SHISA6: variants seen among roughly 807,000 people sequenced by gnomAD.
SHISA6 encodes protein shisa-6.
SHISA6 carries 22 observed loss-of-function variants against 47.9 expected under a neutral mutation model. That is an observed-to-expected ratio of 0.46 (90% CI 0.33 to 0.66). The LOEUF (loss-of-function observed/expected upper bound fraction) is 0.66. Ranked by LOEUF, SHISA6 falls within the 30% of genes least tolerant of loss-of-function variation. SHISA6 has a pLI of 0.02. For synonymous variants in SHISA6, 388 were observed against 337.8 expected, an observed-to-expected ratio of 1.15 and a Z score of -1.63; for missense variants, 680 against 764.6, an observed-to-expected ratio of 0.89 and a Z score of 1.30.
intron 1 of SHISA6, among the ~76,000 whole-genome samples, chr17:11,252,729 G>A (rs1252412316): frequency 2.6e-5 from 4 of 152,148 alleles, no homozygotes; most frequent in Admixed American, 1.3e-4. Flanking sequence ...GCTGTTGGAC[G>A]GCTTTGACTG....
At chr17:11,388,413 C>A (rs1325271949) in intron 3 of SHISA6, among the ~76,000 whole-genome samples, 1 of 151,976 alleles carries the variant, frequency 6.6e-6, no homozygotes, top group African/African-American at 2.4e-5. Context: ...GAGGAACTCT[C>A]GGGTTCTGGG....
At chr17:11,462,123 A>T (rs945588398) in intron 3 of SHISA6, among the ~76,000 whole-genome samples, 2 of 152,162 alleles carry the variant, frequency 1.3e-5, no homozygotes, top group Non-Finnish European at 2.9e-5. Flanking sequence ...TTAGAAAAAT[A>T]GGGCAAAGTG....
intron 2 of SHISA6, among the ~76,000 whole-genome samples, chr17:11,368,330 T>C (rs1354717632): frequency 6.6e-6 from 1 of 152,138 alleles, no homozygotes; most frequent in East Asian, 1.9e-4. Flanking sequence ...TAATCTTAAT[T>C]AGCGGGTCTG....
At chr17:11,441,246 A>G (rs1347135654) in intron 3 of SHISA6, among the ~76,000 whole-genome samples, 1 of 152,224 alleles carries the variant, frequency 6.6e-6, no homozygotes, top group African/African-American at 2.4e-5. Flanking sequence ...CAAAATCAGG[A>G]GAGCAAACAG....
chr17:11,515,026 C>G (rs1316292440), intron 3 of SHISA6, among the ~76,000 whole-genome samples: 1 of 152,060 alleles, frequency 6.6e-6, no homozygotes, highest in Non-Finnish European at 1.5e-5. Flanking sequence ...GCTCATGAAG[C>G]CCTGTGGACT....
At chr17:11,397,221 A>G (rs1268328812) in intron 3 of SHISA6, among the ~76,000 whole-genome samples, 1 of 152,152 alleles carries the variant, frequency 6.6e-6, no homozygotes, top group Non-Finnish European at 1.5e-5. Flanking sequence ...TTGTAAAACT[A>G]GTTTATCAAT....
At chr17:11,383,999 C>T (rs1913115719) in intron 3 of SHISA6, among the ~76,000 whole-genome samples, 1 of 150,938 alleles carries the variant, frequency 6.6e-6, no homozygotes, top group Non-Finnish European at 1.5e-5. Context: ...TACTATGTAC[C>T]AGGTCTTTAC....
At chr17:11,279,397 GT>G (rs1181387109) in intron 2 of SHISA6, among the ~76,000 whole-genome samples, 3 of 152,132 alleles carry the variant, frequency 2.0e-5, no homozygotes, top group Non-Finnish European at 2.9e-5. Flanking sequence ...CATGTTTGAT[GT>G]GCACAAAATG....
At chr17:11,481,545 TGCA>T (rs1419002913) in intron 3 of SHISA6, among the ~76,000 whole-genome samples, 2 of 149,782 alleles carry the variant, frequency 1.3e-5, no homozygotes, top group South Asian at 2.1e-4. Context: ...CAGGCTGGAG[TGCA>T]GTGGCGCGAT....
At chr17:11,436,771 C>T (rs529716497) in intron 3 of SHISA6, among the ~76,000 whole-genome samples, 16 of 152,262 alleles carry the variant, frequency 1.1e-4, no homozygotes, top group Middle Eastern at 6.8e-3. Flanking sequence ...TACTTTACTT[C>T]GTTGTTTTAG....
chr17:11,354,206 G>C (rs1052187827), intron 2 of SHISA6, among the ~76,000 whole-genome samples: 1 of 152,172 alleles, frequency 6.6e-6, no homozygotes, highest in Non-Finnish European at 1.5e-5. Context: ...CTCAAATGTT[G>C]ATGTGCACAG....
At chr17:11,453,002 C>G (rs560808512) in intron 3 of SHISA6, among the ~76,000 whole-genome samples, 2 of 151,514 alleles carry the variant, frequency 1.3e-5, no homozygotes, top group South Asian at 4.2e-4. Flanking sequence ...CCCTTTTCCC[C>G]ACCCTCAATC....
At chr17:11,477,786 A>G (rs1250221899) in intron 3 of SHISA6, among the ~76,000 whole-genome samples, 1 of 150,922 alleles carries the variant, frequency 6.6e-6, no homozygotes, top group Non-Finnish European at 1.5e-5. Context: ...TCCATGGTGT[A>G]TATGTGCCAC....
At chr17:11,371,184 A>G (rs1236998009) in intron 2 of SHISA6, among the ~76,000 whole-genome samples, 1 of 152,210 alleles carries the variant, frequency 6.6e-6, no homozygotes, top group Admixed American at 6.5e-5. Flanking sequence ...TACCTCGGTA[A>G]GAGCAAGCTC....
At chr17:11,432,036 G>C (rs910811166) in intron 3 of SHISA6, among the ~76,000 whole-genome samples, 2 of 152,168 alleles carry the variant, frequency 1.3e-5, no homozygotes, top group Non-Finnish European at 2.9e-5. Flanking sequence ...AAATTTGCTT[G>C]TAAGAGGGAA....
chr17:11,456,683 C>T (rs1394232993), intron 3 of SHISA6, among the ~76,000 whole-genome samples: 2 of 151,980 alleles, frequency 1.3e-5, no homozygotes, highest in African/African-American at 2.4e-5. Flanking sequence ...GACCTGAGCC[C>T]TTAGCCCTCA....
Position 11,402,487 on chromosome 17 carries a change from C to T in SHISA6, c.895+22978C>T, listed in dbSNP as rs79123034. On this transcript the variant is annotated intron_variant, in intron 3 of 5. Coordinates refer to ENST00000441885, the MANE Select transcript of SHISA6 (RefSeq NM_207386.4). ...TACCTCTTTTCCACTTAATGAGAGGCATTCTCAGCCTATCAGCCTTTGTAA... is the reference window on the plus strand; with the variant it reads ...TACCTCTTTTCCACTTAATGAGAGGTATTCTCAGCCTATCAGCCTTTGTAA... Among the ~76,000 whole-genome samples the T allele has an allele frequency of 3.5e-3, 533 of 152,362 alleles. 3 individuals are homozygous for T. The highest frequency in any genetic ancestry group is 4.7e-3 in the Non-Finnish European group (318 of 68,032).
intron 1 of SHISA6, among the ~76,000 whole-genome samples, chr17:11,260,479 G>T (rs1476452841): frequency 1.3e-5 from 2 of 151,978 alleles, no homozygotes; most frequent in East Asian, 3.9e-4. Flanking sequence ...CCGTCTCTGT[G>T]TCTCTCTCCG....
chr17:11,515,313 AAAGGAAGGAAGGAAGGAAGGAAGG>A (rs200856515), intron 3 of SHISA6, among the ~76,000 whole-genome samples: 29 of 130,888 alleles, frequency 2.2e-4, no homozygotes, highest in Admixed American at 5.6e-4. Flanking sequence ...GAAGAAAGAA[AAAGGAAGGAAGGAAGGAAGGAAGG>A]AAGGAAGGAA....
Sources: allele counts gnomAD v4.1 joint callset (sites outside exome capture counted in the v4.1 genomes callset), GRCh38; gene constraint gnomAD v4.1.1; transcripts MANE v1.5; gene names NCBI Gene and HGNC (gene_info 2026-07-23, HGNC 2026-07-21).